The following CHN1 variants were observed in gnomAD, a reference collection of about 807,000 sequenced individuals.
The protein encoded by CHN1 is N-chimaerin.
In CHN1, 37 loss-of-function variants were observed where a neutral mutation model predicts 59.5. The ratio of observed to expected loss-of-function variants is 0.62; its 90% CI spans 0.48 to 0.82. The LOEUF is 0.82. Among genes scored for constraint, CHN1 ranks in the 40% least tolerant of loss-of-function variants. CHN1 has a pLI of 0.00. For synonymous variants in CHN1, 206 were observed against 200.4 expected (o/e 1.03, Z -0.24); for missense variants, 469 against 571.0 (o/e 0.82, Z 1.82).
intron 8 of CHN1, among the ~76,000 whole-genome samples, chr2:174,821,402 T>C (rs1316305347): frequency 6.6e-6 from 1 of 152,200 alleles, no homozygotes; most frequent in Non-Finnish European, 1.5e-5. Flanking sequence ...GCCTCCCTTT[T>C]ATAAGGGCCA....
Position 174,839,965 on chromosome 2 carries a change from ATC to A in CHN1, c.627+6913_627+6914del, listed in dbSNP as rs561532144. 3.8e-3 allele frequency among the ~76,000 whole-genome samples: 581 copies of A among 152,006 alleles called. 5 individuals carry two copies. The highest frequency in any genetic ancestry group is 0.013 in the African/African-American group (543 of 41,468). On this transcript the variant is annotated intron_variant, in intron 7 of 12. Transcript: ENST00000409900. ...ATGTTCTTATCACACACAAAAAAAAATCTCTCTCCAAAGTTTAAACTACCCTC... is the reference window on the plus strand; with the variant it reads ...ATGTTCTTATCACACACAAAAAAAAATCTCTCCAAAGTTTAAACTACCCTC...
At chr2:174,804,055 A>G (rs1055412623) in intron 11 of CHN1, among the ~76,000 whole-genome samples, 23 of 152,154 alleles carry the variant, frequency 1.5e-4, no homozygotes, top group Admixed American at 1.2e-3. Context: ...CATGAATATG[A>G]TATATTATAG....
chr2:174,838,377 G>A (rs1306741907), intron 7 of CHN1, among the ~76,000 whole-genome samples: 1 of 152,094 alleles, frequency 6.6e-6, no homozygotes, highest in African/African-American at 2.4e-5. Flanking sequence ...ACAGGAATGA[G>A]CCACTGCGCC....
At chr2:174,869,753 T>C (rs1431729007) in intron 6 of CHN1, among the ~76,000 whole-genome samples, 1 of 152,184 alleles carries the variant, frequency 6.6e-6, no homozygotes, top group Admixed American at 6.5e-5. Flanking sequence ...AACAGAACTT[T>C]CTCAAGGGAT....
intron 6 of CHN1, among the ~76,000 whole-genome samples, chr2:174,855,095 T>C (rs1686861248): frequency 6.6e-6 from 1 of 152,198 alleles, no homozygotes; most frequent in Non-Finnish European, 1.5e-5. Context: ...GTTTTTAATG[T>C]GGGATTGAGA....
At chr2:174,983,600 C>T (rs1691235420) in intron 1 of CHN1, among the ~76,000 whole-genome samples, 1 of 151,824 alleles carries the variant, frequency 6.6e-6, no homozygotes, top group Non-Finnish European at 1.5e-5. Flanking sequence ...GAGGCCGAGG[C>T]GGGTGGATCA....
chr2:174,889,670 TC>T (rs1364679914), intron 5 of CHN1, among the ~76,000 whole-genome samples: 5 of 151,972 alleles, frequency 3.3e-5, no homozygotes, highest in African/African-American at 1.2e-4. Context: ...ATTATTGACC[TC>T]AAAGAATAAA....
At chr2:174,943,197 T>C (rs1033227754) in intron 3 of CHN1, among the ~76,000 whole-genome samples, 1 of 151,900 alleles carries the variant, frequency 6.6e-6, no homozygotes, top group East Asian at 1.9e-4. Flanking sequence ...TGTGTGTGTG[T>C]GTGTGTGTGT....
intron 1 of CHN1, among the ~76,000 whole-genome samples, chr2:174,993,892 A>G (rs1691627064): frequency 6.6e-6 from 1 of 152,238 alleles, no homozygotes; most frequent in Admixed American, 6.5e-5. Flanking sequence ...TGCTGTTTAT[A>G]TCTGCTCTTC....
At chr2:174,995,677 G>C (rs1691685577) in intron 1 of CHN1, among the ~76,000 whole-genome samples, 1 of 152,196 alleles carries the variant, frequency 6.6e-6, no homozygotes, top group South Asian at 2.1e-4. Flanking sequence ...CTGCTCACCT[G>C]CTGTGTGGCC....
In CHN1 at chr2:174,821,087, A is replaced by T. The variant is rs77317944; in HGVS notation, c.712+3347T>A. On this transcript the variant is annotated intron_variant, in intron 8 of 12. Coordinates refer to ENST00000409900, the MANE Select transcript of CHN1 (RefSeq NM_001822.7). ...AGTGCATTAGTTTACAATTGCTGCT[A>T]TAACAAATTATTAATACCACAAACT... Among the ~76,000 whole-genome samples, 182 of 152,344 alleles carry T rather than the reference A, an allele frequency of 1.2e-3. 1 individual carries two copies. The highest frequency in any genetic ancestry group is 2.2e-3 in the Non-Finnish European group (150 of 68,022).
chr2:174,850,955 T>C (rs1686710136), intron 6 of CHN1, among the ~76,000 whole-genome samples: 1 of 152,156 alleles, frequency 6.6e-6, no homozygotes, highest in Non-Finnish European at 1.5e-5. Context: ...GGTCACTTTA[T>C]AGATGAGGAA....
intron 7 of CHN1, among the ~76,000 whole-genome samples, chr2:174,845,515 T>A (rs928463206): frequency 3.3e-5 from 5 of 152,142 alleles, no homozygotes; most frequent in Non-Finnish European, 7.4e-5. Flanking sequence ...GATACACATA[T>A]GATACCTCTT....
At chr2:175,004,295 C>T (rs894391390) in intron 1 of CHN1, among the ~76,000 whole-genome samples, 4 of 152,208 alleles carry the variant, frequency 2.6e-5, no homozygotes, top group African/African-American at 9.7e-5. Context: ...TTAATGAATA[C>T]TCAGTCTCCT....
chr2:174,978,922 T>A (rs757905982), intron 1 of CHN1, among the ~76,000 whole-genome samples: 2 of 152,220 alleles, frequency 1.3e-5, no homozygotes, highest in Non-Finnish European at 2.9e-5. Flanking sequence ...ATCAATCAGA[T>A]AAAATCTCAT....
intron 6 of CHN1, among the ~76,000 whole-genome samples, chr2:174,866,349 G>A (rs754030487): frequency 5.3e-5 from 8 of 152,052 alleles, no homozygotes; most frequent in Non-Finnish European, 1.2e-4. Context: ...AAATAAATGA[G>A]CTTAAAAGTT....
intron 3 of CHN1, among the ~76,000 whole-genome samples, chr2:174,931,403 C>A (rs1176502519): frequency 6.6e-6 from 1 of 152,224 alleles, no homozygotes; most frequent in Non-Finnish European, 1.5e-5. Context: ...TTTCCTCCCA[C>A]TCCTGTGCCA....
chr2:174,868,074 CTTCT>C (rs1687285058), intron 6 of CHN1, among the ~76,000 whole-genome samples: 2 of 152,236 alleles, frequency 1.3e-5, no homozygotes, highest in African/African-American at 4.8e-5. Flanking sequence ...AAGCCCCTTC[CTTCT>C]TTCTTTGTTT....
At chr2:174,885,540 G>A (rs1687871311) in intron 5 of CHN1, among the ~76,000 whole-genome samples, 1 of 151,842 alleles carries the variant, frequency 6.6e-6, no homozygotes, top group Non-Finnish European at 1.5e-5. Context: ...CTGACCTCAG[G>A]CTGGAGTGCA....
Sources: allele counts gnomAD v4.1 joint callset (sites outside exome capture counted in the v4.1 genomes callset), GRCh38; gene constraint gnomAD v4.1.1; transcripts MANE v1.5; gene names NCBI Gene and HGNC (gene_info 2026-07-23, HGNC 2026-07-21).